ADAMTS10: variants seen among roughly 807,000 people sequenced by gnomAD.
ADAMTS10 encodes the protein A disintegrin and metalloproteinase with thrombospondin motifs 10.
ADAMTS10 carries 48 observed loss-of-function variants against 135.9 expected under a neutral mutation model. The ratio of observed to expected loss-of-function variants is 0.35; its 90% CI spans 0.28 to 0.45. The LOEUF (loss-of-function observed/expected upper bound fraction) is 0.45. Among genes scored for constraint, ADAMTS10 ranks in the 20% least tolerant of loss-of-function variants. ADAMTS10 has a pLI of 1.00. For missense variants in ADAMTS10, 1,131 were observed against 1,565.2 expected (o/e 0.72, Z 4.68); for synonymous variants, 621 against 647.5 (o/e 0.96, Z 0.62).
intron 12 of ADAMTS10, 38 bp downstream of exon 12, chr19:8,595,723 CT>C: frequency 6.3e-7 from 1 of 1,579,916 alleles, no homozygotes; most frequent in Non-Finnish European, 8.6e-7. Context: ...CAGCGGCCCC[CT>C]CCCCTCCCAG....
rs559435857 is a variant in ADAMTS10, at chr19:8,587,333, CTTTTTTTT to C, written c.2159-445_2159-438del. 2.6e-4 allele frequency among the ~76,000 whole-genome samples: 20 copies of C among 77,452 alleles called. No individual in the cohort carries two copies. In the South Asian group the frequency reaches 3.5e-3, roughly 13 times the overall value. The allele number at this position is 77,452 out of a possible 152,430, so 50.8% of individuals were successfully genotyped here. On this transcript the variant is annotated intron_variant, in intron 18 of 25. Transcript: ENST00000597188. Reference sequence around the variant, plus strand: ...CACCACACCTGGCTAACTAAAAAACCTTTTTTTTTTTTTTTTTTTTTTTGTAGAGTTGG... The same window carrying C: ...CACCACACCTGGCTAACTAAAAAACCTTTTTTTTTTTTTTTGTAGAGTTGG...
intron 5 of ADAMTS10, among the ~76,000 whole-genome samples, chr19:8,603,365 C>G (rs1317555193): frequency 6.6e-6 from 1 of 152,158 alleles, no homozygotes; most frequent in East Asian, 1.9e-4. Flanking sequence ...ACCTCTGCCT[C>G]CCGGGTTCAA....
At position 8,580,917 on chromosome 19, in the gene ADAMTS10, G is replaced by A. The variant is rs1341680378; in HGVS notation, c.3288C>T (p.Cys1096=). 3.7e-6 allele frequency: 6 copies of A among 1,612,088 alleles called. No individual in the cohort carries two copies. The Admixed American group carries it at 1.0e-4, about 27-fold the overall frequency. Residue 1096 remains cysteine (C), a synonymous_variant, in exon 26 of 26, where the codon TGC becomes TGT. Transcript: ENST00000597188. ...CCTAGTGGCCATGGCAGGTTTTGCA[G>A]CACATCTGGCGGAAGTAGGCTCGGC... ...FCSRAYFRQM[C]CKTCHGH is the part of the protein sequence containing the mutation.
rs782725782 is a variant in ADAMTS10, at chr19:8,596,229, G to C, written c.1191-10C>G. The C allele has an allele frequency of 6.2e-7, 1 of 1,613,696 alleles. No homozygotes were observed. The highest frequency in any genetic ancestry group is 1.1e-5 in the South Asian group (1 of 91,080). On this transcript the variant is annotated splice_polypyrimidine_tract_variant and intron_variant, in intron 10 of 25. Coordinates refer to ENST00000597188, the MANE Select transcript of ADAMTS10 (RefSeq NM_030957.4). The surrounding 1 kb of genome is among the most constrained non-coding windows in gnomAD (Gnocchi z 7.2). ...ATGGTTCATGCCGAATCTGGGGAAA[G>C]GGGTGTCGGCTCTGCCGGGCGCTGA...
intron 1 of ADAMTS10, among the ~76,000 whole-genome samples, chr19:8,610,190 A>G (rs995404530): frequency 6.6e-6 from 1 of 151,298 alleles, no homozygotes; most frequent in Non-Finnish European, 1.5e-5. Context: ...ACCCCCCCAC[A>G]CCAGACACAC....
At chr19:8,595,698 T>TGCCGAC in intron 12 of ADAMTS10, 64 bp downstream of exon 12, 9 of 1,291,942 alleles carry the variant, frequency 7.0e-6, no homozygotes, top group Non-Finnish European at 9.7e-6. Context: ...CTGGTGGAGT[T>TGCCGAC]CCCTCCCCCA....
rs1438406050 is a variant in ADAMTS10, at chr19:8,605,309, G to A, written c.138C>T (p.Arg46=). ...CCAGCAGTGCCCCGTTGTGGTCCAC[G>A]CGGGTGGGGAAGGCGATCTCATAGC... ...LESYEIAFPT[R]VDHNGALLAF... The change falls in exon 4 of 26, where the codon CGC becomes CGT. Residue 46 remains arginine (R), a synonymous_variant. Coordinates refer to ENST00000597188, the MANE Select transcript of ADAMTS10 (RefSeq NM_030957.4). The surrounding 1 kb of genome is among the most constrained non-coding windows in gnomAD (Gnocchi z 7.7). 5.6e-6 allele frequency: 9 copies of A among 1,611,150 alleles called. No individual in the cohort carries two copies. Among genetic ancestry groups the A allele is most frequent in the Admixed American group, 1.7e-5 (1 of 59,556 alleles).
In ADAMTS10 at chr19:8,581,130, C is replaced by CTTTTTTTTTTTTT. The variant is rs369050914; in HGVS notation, c.3203-141_3203-129dup. ...CTTGGTTTCTTTCTTTTTAAATTTA[C>CTTTTTTTTTTTTT]TTTTTTTTTTTTTTTTTTTTTTTTT... On this transcript the variant is annotated intron_variant, in intron 25 of 25. Transcript: ENST00000597188. 19 of 147,312 alleles carry CTTTTTTTTTTTTT rather than the reference C, an allele frequency of 1.3e-4. 1 individual carries two copies. The highest frequency in any genetic ancestry group is 4.4e-3 in the Middle Eastern group (2 of 450). The allele number at this position is 147,312 out of a possible 1,614,324, so 9.1% of individuals were successfully genotyped here. A position where few individuals can be genotyped will look rare whatever the true frequency, so the allele number is the denominator to read the frequency against.
intron 25 of ADAMTS10, among the ~76,000 whole-genome samples, chr19:8,583,847 T>TC (rs1195726048): frequency 1.3e-5 from 2 of 150,192 alleles, no homozygotes; most frequent in Non-Finnish European, 3.0e-5. Flanking sequence ...ACAAAGTGAG[T>TC]CCCGGTCTCA....
At chr19:8,588,051 C>T (rs893444638) in intron 18 of ADAMTS10, among the ~76,000 whole-genome samples, 29 of 151,468 alleles carry the variant, frequency 1.9e-4, no homozygotes, top group African/African-American at 6.3e-4. Context: ...GAGTTCCAGG[C>T]CAGCCTGGCC....
chr19:8,592,933 G>A lies in ADAMTS10; in HGVS notation c.1480-63C>T, dbSNP rs535518966. 1.2e-5 allele frequency: 17 copies of A among 1,461,760 alleles called. No individual in the cohort carries two copies. The African/African-American group carries it at 1.5e-4, about 13-fold the overall frequency. The allele number at this position is 1,461,760 out of a possible 1,614,324, so 90.5% of individuals were successfully genotyped here. The stretch of plus-strand genomic sequence containing the variant: ...CCTTCCTCCCTGGGGCAGCCCGCCC[G>A]GCTTGGGAGGACCCAGATGTCCGGC... On this transcript the variant is annotated intron_variant, in intron 12 of 25. Transcript: ENST00000597188.
At chr19:8,589,401 A>AACCCCCCCCCCCC in intron 17 of ADAMTS10, 36 bp from the exon 18 acceptor site, 1 of 1,599,446 alleles carries the variant, frequency 6.3e-7, no homozygotes, top group Non-Finnish European at 8.5e-7. Flanking sequence ...CGACCCCCTA[A>AACCCCCCCCCCCC]CCCACCCCCG....
intron 25 of ADAMTS10, 127 bp from the exon 26 acceptor site, chr19:8,581,129 A>ATT: frequency 7.9e-6 from 1 of 126,902 alleles, no homozygotes; most frequent in Non-Finnish European, 1.3e-5. Flanking sequence ...TTTTAAATTT[A>ATT]CTTTTTTTTT....
rs782099949 is a variant in ADAMTS10 at position 8,580,883 on chromosome 19, C to T, written c.*10G>A. 9 of 1,593,300 alleles carry T rather than the reference C, an allele frequency of 5.6e-6. No homozygotes were observed. Among genetic ancestry groups the T allele is most frequent in the Admixed American group, 3.5e-5 (2 of 57,732 alleles). On this transcript the variant is annotated 3_prime_UTR_variant, in exon 26 of 26. Transcript: ENST00000597188. ...CCCCGCCAGCTGTGGCTCCGGGTGC[C>T]GCGCGCCCCCTAGTGGCCATGGCAG...
chr19:8,593,828 T>C (rs1278370439), intron 12 of ADAMTS10, among the ~76,000 whole-genome samples: 1 of 152,164 alleles, frequency 6.6e-6, no homozygotes, highest in Non-Finnish European at 1.5e-5. Context: ...CCTTCTGTAA[T>C]TATCAAGTGT....
At chr19:8,598,763 C>G (rs1555740811) in intron 6 of ADAMTS10, among the ~76,000 whole-genome samples, 1 of 151,694 alleles carries the variant, frequency 6.6e-6, no homozygotes, top group African/African-American at 2.4e-5. Context: ...TTAGTAGGGA[C>G]AGGATTTCAC....
intron 1 of ADAMTS10, among the ~76,000 whole-genome samples, chr19:8,609,266 G>A (rs1555743122): frequency 6.9e-6 from 1 of 144,008 alleles, no homozygotes; most frequent in African/African-American, 2.5e-5. Flanking sequence ...GTGTACCCAG[G>A]CCTGGCCATT....
chr19:8,608,694 G>A (rs2042747993), intron 1 of ADAMTS10, among the ~76,000 whole-genome samples: 1 of 152,068 alleles, frequency 6.6e-6, no homozygotes, highest in African/African-American at 2.4e-5. Flanking sequence ...GTCTTGTCTA[G>A]AGTGTCTTTG....
Position 8,586,564 on chromosome 19 carries a change from G to A in ADAMTS10, c.2397C>T (p.Ile799=). The A allele has an allele frequency of 1.2e-6, 2 of 1,613,668 alleles. No individual in the cohort carries two copies. Among genetic ancestry groups the A allele is most frequent in the Non-Finnish European group, 8.5e-7 (1 of 1,180,006 alleles). Reference sequence around the variant, plus strand: ...CCCCCAGTCTCCCTGTTACCATGACGATGAGAGATGCATTAATCGGTCCCA... The same window carrying A: ...CCCCCAGTCTCCCTGTTACCATGACAATGAGAGATGCATTAATCGGTCCCA... ...EALGPINASL[I]VMVLARTELP... The change falls in exon 20 of 26, where the codon ATC becomes ATT. Residue 799 remains isoleucine, a synonymous_variant. Coordinates refer to ENST00000597188, the MANE Select transcript of ADAMTS10 (RefSeq NM_030957.4).
Sources: allele counts gnomAD v4.1 joint callset (sites outside exome capture counted in the v4.1 genomes callset), GRCh38; gene constraint gnomAD v4.1.1; non-coding constraint Gnocchi (gnomAD v3.1); transcripts MANE v1.5; gene names NCBI Gene and HGNC (gene_info 2026-07-23, HGNC 2026-07-21).